The following USP7 variants were observed in gnomAD, a reference collection of about 807,000 sequenced individuals.
The protein encoded by USP7 is ubiquitin C-terminal hydrolase 7.
Under a neutral mutation model 162.9 loss-of-function variants are expected in USP7, and 9 were observed. The ratio of observed to expected loss-of-function variants is 0.06; its 90% CI spans 0.03 to 0.10. USP7 has a LOEUF of 0.10. Ranked by LOEUF, USP7 falls within the 10% of genes least tolerant of loss-of-function variation. The pLI is 1.00. For missense variants in USP7, 715 were observed against 1,373.7 expected, an observed-to-expected ratio of 0.52 and a Z score of 7.58; for synonymous variants, 562 against 475.9, an observed-to-expected ratio of 1.18 and a Z score of -2.35.
intron 11 of USP7, among the ~76,000 whole-genome samples, chr16:8,909,214 C>T (rs1313589313): frequency 6.6e-6 from 1 of 152,214 alleles, no homozygotes; most frequent in Non-Finnish European, 1.5e-5. Flanking sequence ...CCTATCTCGA[C>T]CACGGCCAGG....
intron 1 of USP7, among the ~76,000 whole-genome samples, chr16:8,952,453 A>G (rs935672148): frequency 6.6e-6 from 1 of 152,190 alleles, no homozygotes; most frequent in Non-Finnish European, 1.5e-5. Context: ...CCAAGGTGCC[A>G]GCAGGGCCAC....
At position 8,898,435 on chromosome 16, in the gene USP7, A is replaced by C. The variant is rs1220470799; in HGVS notation, c.2643T>G (p.Leu881=). ...RQPKKLYYQQ[L]KMKITDFENR... ...TCTCAAAGTCTGTGATTTTCATCTTAAGCTATTAAGAAAAGAAAGATTCAC... is the reference window on the plus strand; with the variant it reads ...TCTCAAAGTCTGTGATTTTCATCTTCAGCTATTAAGAAAAGAAAGATTCAC... Residue 881 remains leucine, a splice_region_variant and synonymous_variant, in exon 25 of 31, where the codon CTT becomes CTG. Coordinates refer to ENST00000344836, the MANE Select transcript of USP7 (RefSeq NM_003470.3). The C allele has an allele frequency of 1.9e-6, 3 of 1,612,780 alleles. No individual in the cohort carries two copies. The highest frequency in any genetic ancestry group is 2.5e-6 in the Non-Finnish European group (3 of 1,179,664).
rs1434941569 is a variant in USP7 at position 8,893,268 on chromosome 16, A to G, written c.*730T>C. ...TTTCACCTGCTCGTATGAACTGTTG[A>G]GATCGTAAGTCTGCCAAGGCAGCAG... On this transcript the variant is annotated 3_prime_UTR_variant, in exon 31 of 31. Coordinates refer to ENST00000344836, the MANE Select transcript of USP7 (RefSeq NM_003470.3). 1 of 152,244 alleles carries G rather than the reference A, an allele frequency of 6.6e-6. No homozygotes were observed. Among genetic ancestry groups the G allele is most frequent in the Admixed American group, 6.5e-5 (1 of 15,282 alleles). 9.4% of individuals were successfully genotyped at this position (152,244 alleles called of 1,614,324 possible).
Position 8,894,544 on chromosome 16 carries a change from C to A in USP7, c.3202+6G>T, listed in dbSNP as rs764533568. 1.2e-6 allele frequency: 2 copies of A among 1,611,554 alleles called. No homozygotes were observed. Among genetic ancestry groups the A allele is most frequent in the Non-Finnish European group, 8.5e-7 (1 of 1,179,904 alleles). Reference sequence around the variant, plus strand: ...CACCAGCCCCCGGGGGGGGGAGAACCCTTACCGGGCTGTGGCTCAAAGTCT... The same window carrying A: ...CACCAGCCCCCGGGGGGGGGAGAACACTTACCGGGCTGTGGCTCAAAGTCT... On this transcript the variant is annotated splice_donor_region_variant and intron_variant, in intron 30 of 30. Transcript: ENST00000344836.
At chr16:8,918,714 C>T (rs1458088533) in intron 6 of USP7, among the ~76,000 whole-genome samples, 1 of 152,144 alleles carries the variant, frequency 6.6e-6, no homozygotes, top group Non-Finnish European at 1.5e-5. Context: ...GAGGCTGAGG[C>T]CAGAGAATCA....
chr16:8,943,722 G>A (rs1403133250), intron 1 of USP7, among the ~76,000 whole-genome samples: 1 of 152,134 alleles, frequency 6.6e-6, no homozygotes, highest in African/African-American at 2.4e-5. Flanking sequence ...CCTTCCCAAA[G>A]GCAATATGTA....
chr16:8,924,869 T>A (rs996833595), intron 2 of USP7, among the ~76,000 whole-genome samples: 2 of 152,222 alleles, frequency 1.3e-5, no homozygotes, highest in African/African-American at 4.8e-5. Flanking sequence ...CCCTGCTGAG[T>A]TGCTTACAGC....
At chr16:8,906,890 T>G (rs2061868929) in intron 12 of USP7, among the ~76,000 whole-genome samples, 2 of 152,206 alleles carry the variant, frequency 1.3e-5, no homozygotes, top group South Asian at 4.1e-4. Context: ...AAAATCAAAT[T>G]CAGAAAGACA....
At chr16:8,940,957 G>T (rs1899016754) in intron 1 of USP7, among the ~76,000 whole-genome samples, 1 of 152,156 alleles carries the variant, frequency 6.6e-6, no homozygotes, top group Middle Eastern at 3.2e-3. Flanking sequence ...AATAAAGTCA[G>T]GAATAGCAGG....
At position 8,917,014 on chromosome 16, in the gene USP7, T is replaced by C. The variant is rs761331464; in HGVS notation, c.851+12A>G. On this transcript the variant is annotated intron_variant, in intron 7 of 30. Coordinates refer to ENST00000344836, the MANE Select transcript of USP7 (RefSeq NM_003470.3). ...GGAAGCAGAATGGCAAAGGCAGATG[T>C]CTAATACATACCCAAATGACTTTGT... 5.0e-6 allele frequency: 8 copies of C among 1,590,718 alleles called. No homozygotes were observed. Among genetic ancestry groups the C allele is most frequent in the Non-Finnish European group, 6.8e-6 (8 of 1,172,678 alleles).
At chr16:8,955,456 C>T (rs1410270184) in intron 1 of USP7, among the ~76,000 whole-genome samples, 2 of 151,992 alleles carry the variant, frequency 1.3e-5, no homozygotes, top group East Asian at 3.9e-4. Flanking sequence ...GGCGCAGTGG[C>T]TCACACCTGT....
intron 21 of USP7, 90 bp downstream of exon 21, chr16:8,900,440 G>T (rs988082263): frequency 2.8e-5 from 25 of 894,718 alleles, no homozygotes; most frequent in Non-Finnish European, 3.4e-5. Context: ...AACGTGGCTC[G>T]GGATCTAGGT....
chr16:8,901,326 A>G lies in USP7; in HGVS notation c.2048-92T>C, dbSNP rs1312340906. The G allele has an allele frequency of 4.7e-6, 4 of 856,606 alleles. No individual in the cohort carries two copies. In the Admixed American group the frequency reaches 9.3e-5, roughly 20 times the overall value. 53.1% of individuals were successfully genotyped at this position (856,606 alleles called of 1,614,324 possible). On this transcript the variant is annotated intron_variant, in intron 18 of 30. Transcript: ENST00000344836. ...AACAAACAAACAAAAAAACGAAAAA[A>G]AAAAAACAGTAAGCTGAATAGCTCA...
chr16:8,952,635 G>A (rs1899607510), intron 1 of USP7, among the ~76,000 whole-genome samples: 1 of 152,158 alleles, frequency 6.6e-6, no homozygotes, highest in South Asian at 2.1e-4. Flanking sequence ...CTCCTCACTA[G>A]GGATCCTGAA....
At position 8,932,559 on chromosome 16, in the gene USP7, T is replaced by A. The variant is rs1226577319; in HGVS notation, c.80-2162A>T. 3.3e-5 allele frequency among the ~76,000 whole-genome samples: 5 copies of A among 152,222 alleles called. No individual in the cohort carries two copies. The East Asian group carries it at 7.7e-4, about 23-fold the overall frequency. On this transcript the variant is annotated intron_variant, in intron 1 of 30. Transcript: ENST00000344836. ...CACAGGATGGAGAGAAGGAAAAATG[T>A]CTTTTTGCTGGTTAACTAGCTCAAA...
At chr16:8,920,171 C>T (rs1365941216) in intron 5 of USP7, among the ~76,000 whole-genome samples, 188 bp downstream of exon 5, 1 of 152,208 alleles carries the variant, frequency 6.6e-6, no homozygotes, top group Non-Finnish European at 1.5e-5. Context: ...AAGGGTCTAA[C>T]ATATAGAAAC....
intron 16 of USP7, 76 bp from the exon 17 acceptor site, chr16:8,902,558 T>TATATAC (rs1264660234): frequency 3.6e-6 from 4 of 1,124,902 alleles, no homozygotes; most frequent in Non-Finnish European, 5.1e-6. Flanking sequence ...CACACATATG[T>TATATAC]ATATACATAT....
chr16:8,929,598 T>C, intron 2 of USP7: 1 of 456,012 alleles, frequency 2.2e-6, no homozygotes, highest in Admixed American at 2.3e-5. Context: ...TGACAGAACA[T>C]GGTTTCATAT....
chr16:8,899,797 A>G (rs2061745433), intron 21 of USP7, 40 bp from the exon 22 acceptor site: 1 of 1,611,918 alleles, frequency 6.2e-7, no homozygotes, highest in Non-Finnish European at 8.5e-7. Context: ...ATCAAAGTCC[A>G]TGGCAGGGGG....
Sources: gnomAD v4.1 joint callset for allele counts (sites outside exome capture counted in the v4.1 genomes callset) on GRCh38, gnomAD v4.1.1 for gene constraint, MANE v1.5 for transcripts, NCBI Gene and HGNC (gene_info 2026-07-23, HGNC 2026-07-21) for gene names.